AGBL1: variants seen among roughly 807,000 people sequenced by gnomAD.
AGBL1 encodes the protein AGBL carboxypeptidase 1.
Under a neutral mutation model 118.9 loss-of-function variants are expected in AGBL1, and 130 were observed. The observed-to-expected ratio is 1.09, with a 90% confidence interval of 0.95 to 1.26. The LOEUF is 1.26. AGBL1 is among the 50% of genes most tolerant of loss of function. The pLI is 0.00. For synonymous variants in AGBL1, 555 were observed against 478.9 expected, an observed-to-expected ratio of 1.16 and a Z score of -2.08; for missense variants, 1,584 against 1,298.1, an observed-to-expected ratio of 1.22 and a Z score of -3.38.
intron 21 of AGBL1, among the ~76,000 whole-genome samples, chr15:86,631,540 C>G (rs1160272081): frequency 2.6e-5 from 4 of 152,176 alleles, no homozygotes; most frequent in Non-Finnish European, 5.9e-5. Flanking sequence ...TTCTGACTTA[C>G]TAATTCTTTG....
chr15:86,464,528 G>A (rs2082375059), intron 18 of AGBL1, among the ~76,000 whole-genome samples: 1 of 152,172 alleles, frequency 6.6e-6, no homozygotes, highest in South Asian at 2.1e-4. Context: ...AGTTTTCAAA[G>A]GGAATGCTTC....
intron 23 of AGBL1, among the ~76,000 whole-genome samples, chr15:86,955,679 A>G (rs1038863177): frequency 6.6e-6 from 1 of 152,164 alleles, no homozygotes; most frequent in Non-Finnish European, 1.5e-5. Context: ...GAAAGGTACT[A>G]TGAAATATAC....
chr15:86,824,520 C>A (rs2078981438), intron 22 of AGBL1, among the ~76,000 whole-genome samples: 1 of 149,864 alleles, frequency 6.7e-6, no homozygotes, highest in Admixed American at 6.7e-5. Flanking sequence ...CCAAATTGAT[C>A]TATAGGCTTA....
chr15:86,993,628 A>C (rs1270699730), intron 24 of AGBL1, among the ~76,000 whole-genome samples: 2 of 152,028 alleles, frequency 1.3e-5, no homozygotes, highest in African/African-American at 2.4e-5. Context: ...AAGTTCAGTG[A>C]GTTTCACACT....
At chr15:86,245,124 G>C (rs915069869) in intron 6 of AGBL1, among the ~76,000 whole-genome samples, 6 of 152,058 alleles carry the variant, frequency 3.9e-5, no homozygotes, top group African/African-American at 1.4e-4. Flanking sequence ...AAAATCAGTG[G>C]GGCTTAGTCA....
intron 23 of AGBL1, among the ~76,000 whole-genome samples, chr15:86,924,962 C>G (rs894500166): frequency 3.2e-4 from 49 of 151,514 alleles, no homozygotes; most frequent in Admixed American, 2.3e-3. Context: ...CTTAGCTGGG[C>G]ATGGTGGTGG....
chr15:86,158,067 G>A lies in AGBL1; in HGVS notation c.395-866G>A, dbSNP rs146036637. On this transcript the variant is annotated intron_variant, in intron 4 of 22. Coordinates refer to ENST00000614907, the MANE Select transcript of AGBL1 (RefSeq NM_001386094.1). Reference sequence around the variant, plus strand: ...GTAAGAGCTGAATGAGTAGCCACAAGAGTGGAAGATTGATGGGCAGGACTA... The same window carrying A: ...GTAAGAGCTGAATGAGTAGCCACAAAAGTGGAAGATTGATGGGCAGGACTA... Among the ~76,000 whole-genome samples the A allele has an allele frequency of 5.3e-5, 8 of 152,308 alleles. No individual in the cohort carries two copies. The East Asian group carries it at 7.7e-4, about 15-fold the overall frequency.
chr15:86,493,194 GAAAC>G (rs372942265), intron 18 of AGBL1, among the ~76,000 whole-genome samples: 2,972 of 151,738 alleles, frequency 0.02, 49 homozygotes, highest in Non-Finnish European at 0.031. Flanking sequence ...CTCTGCCTCA[GAAAC>G]AAACAAACAA....
chr15:86,141,446 T>G (rs2076962120), intron 1 of AGBL1, among the ~76,000 whole-genome samples: 1 of 152,184 alleles, frequency 6.6e-6, no homozygotes. Flanking sequence ...GGTCAGGAGA[T>G]TGAGACCATC....
At chr15:86,925,517 C>A (rs1249643950) in intron 23 of AGBL1, among the ~76,000 whole-genome samples, 3 of 152,018 alleles carry the variant, frequency 2.0e-5, no homozygotes, top group East Asian at 3.9e-4. Flanking sequence ...TCTGTTCCAA[C>A]GTCAGTGCTC....
At chr15:86,448,681 G>A (rs1566996345) in intron 18 of AGBL1, among the ~76,000 whole-genome samples, 1 of 138,606 alleles carries the variant, frequency 7.2e-6, no homozygotes, top group East Asian at 2.3e-4. Context: ...CTGATTGAAT[G>A]TGGGGGCAAT....
At chr15:86,823,588 T>C (rs2078969890) in intron 22 of AGBL1, among the ~76,000 whole-genome samples, 1 of 152,078 alleles carries the variant, frequency 6.6e-6, no homozygotes, top group Non-Finnish European at 1.5e-5. Flanking sequence ...AATAATAAAC[T>C]AAAATAAATT....
rs181274254 is a variant in AGBL1 at position 86,475,580 on chromosome 15, G to A, written c.2556-47230G>A. Among the ~76,000 whole-genome samples the A allele has an allele frequency of 8.9e-4, 136 of 152,326 alleles. 3 individuals carry two copies. In the East Asian group the frequency reaches 9.1e-3, roughly 10 times the overall value. On this transcript the variant is annotated intron_variant, in intron 18 of 22. Transcript: ENST00000614907. ...CAAGAAATACGAGACTATGTGAAAA[G>A]ACCAAATCTACGTCTGATTGGTTTA...
At chr15:86,538,396 A>G (rs1460945312) in intron 19 of AGBL1, among the ~76,000 whole-genome samples, 1 of 152,192 alleles carries the variant, frequency 6.6e-6, no homozygotes, top group Non-Finnish European at 1.5e-5. Flanking sequence ...AGCACTTACT[A>G]AGGAGAGAGT....
chr15:86,463,289 T>A (rs897329623), intron 18 of AGBL1, among the ~76,000 whole-genome samples: 2 of 144,134 alleles, frequency 1.4e-5, no homozygotes, highest in Admixed American at 1.4e-4. Context: ...GGGTTGTTTG[T>A]TTTTTTTTTT....
At chr15:86,756,001 T>C (rs1030460541) in intron 22 of AGBL1, among the ~76,000 whole-genome samples, 10 of 152,124 alleles carry the variant, frequency 6.6e-5, no homozygotes, top group African/African-American at 1.9e-4. Context: ...CCATGCTGTT[T>C]AGCCAAGAGC....
intron 18 of AGBL1, among the ~76,000 whole-genome samples, chr15:86,418,979 G>T (rs186002877): frequency 2.6e-4 from 40 of 152,164 alleles, no homozygotes; most frequent in African/African-American, 8.4e-4. Context: ...TTGACTTAAT[G>T]CTCTGTAGTA....
At chr15:86,242,369 A>G (rs899831859) in intron 6 of AGBL1, among the ~76,000 whole-genome samples, 14 of 152,230 alleles carry the variant, frequency 9.2e-5, no homozygotes, top group Admixed American at 6.5e-4. Context: ...CATCTACTTT[A>G]TATGTATTAT....
chr15:86,418,435 G>A (rs933182190), intron 18 of AGBL1, among the ~76,000 whole-genome samples: 1 of 152,186 alleles, frequency 6.6e-6, no homozygotes, highest in Non-Finnish European at 1.5e-5. Flanking sequence ...GGCTGGCACA[G>A]CTGGAACAAT....
Sources: allele counts gnomAD v4.1 joint callset (sites outside exome capture counted in the v4.1 genomes callset), GRCh38; gene constraint gnomAD v4.1.1; transcripts MANE v1.5; gene names NCBI Gene and HGNC (gene_info 2026-07-23, HGNC 2026-07-21).